The following CSMD1 variants were observed in gnomAD, a reference collection of about 807,000 sequenced individuals.
CSMD1 encodes the protein CUB and sushi domain-containing protein 1.
In CSMD1, 213 loss-of-function variants were observed where a neutral mutation model predicts 417.5. The ratio of observed to expected loss-of-function variants is 0.51; its 90% CI spans 0.46 to 0.57. The LOEUF (loss-of-function observed/expected upper bound fraction) is 0.57, where lower values mean the gene tolerates loss of function less well. Ranked by LOEUF, CSMD1 falls within the 20% of genes least tolerant of loss-of-function variation. CSMD1 has a pLI of 0.00. For synonymous variants in CSMD1, 2,862 were observed against 1,736.8 expected (o/e 1.65, Z -16.11); for missense variants, 6,923 against 4,529.7 (o/e 1.53, Z -15.17).
rs759687945 is a variant in CSMD1 at position 3,707,619 on chromosome 8, T to C, written c.1009+795A>G. ...TGAAGCTGGTACCCAGTAACTGTTATGACATGTGTAAGGTCGTGTGGGGAG... is the reference window on the plus strand; with the variant it reads ...TGAAGCTGGTACCCAGTAACTGTTACGACATGTGTAAGGTCGTGTGGGGAG... On this transcript the variant is annotated intron_variant, in intron 7 of 69. Transcript: ENST00000635120. 2.0e-5 allele frequency among the ~76,000 whole-genome samples: 3 copies of C among 152,178 alleles called. No homozygotes were observed. In the South Asian group the frequency reaches 6.2e-4, roughly 32 times the overall value.
intron 47 of CSMD1, among the ~76,000 whole-genome samples, chr8:3,094,867 AC>A (rs1259341999): frequency 1.3e-5 from 2 of 152,086 alleles, no homozygotes; most frequent in Non-Finnish European, 2.9e-5. Flanking sequence ...ATTTACTGCA[AC>A]AAAAATGTCA....
At position 3,131,331 on chromosome 8, in the gene CSMD1, C is replaced by T. The variant is rs550315770; in HGVS notation, c.6241+11134G>A. On this transcript the variant is annotated intron_variant, in intron 41 of 69. Coordinates refer to ENST00000635120, the MANE Select transcript of CSMD1 (RefSeq NM_033225.6). ...CACAATGTGCACATGTACCCTAAAACTTAAAGTATAATAATAAAAGAAAAA... is the reference window on the plus strand; with the variant it reads ...CACAATGTGCACATGTACCCTAAAATTTAAAGTATAATAATAAAAGAAAAA... 4.7e-5 allele frequency among the ~76,000 whole-genome samples: 7 copies of T among 148,276 alleles called. No individual in the cohort carries two copies. The South Asian group carries it at 1.1e-3, about 23-fold the overall frequency.
At chr8:3,526,394 A>AT (rs1585306437) in intron 10 of CSMD1, among the ~76,000 whole-genome samples, 1 of 151,956 alleles carries the variant, frequency 6.6e-6, no homozygotes, top group East Asian at 1.9e-4. Context: ...TTCAATCCTA[A>AT]ATATATTTAA....
chr8:4,081,613 T>C (rs560579791), intron 3 of CSMD1, among the ~76,000 whole-genome samples: 10 of 152,106 alleles, frequency 6.6e-5, no homozygotes, highest in Non-Finnish European at 1.5e-4. Flanking sequence ...TACATAAATT[T>C]TTTGAAGGAC....
chr8:4,071,271 T>C (rs540967014), intron 3 of CSMD1, among the ~76,000 whole-genome samples: 22 of 152,290 alleles, frequency 1.4e-4, no homozygotes, highest in African/African-American at 5.1e-4. Context: ...GCCCTGCTTG[T>C]TATATTTTTT....
chr8:3,109,455 ACT>A (rs1240031214), intron 43 of CSMD1, among the ~76,000 whole-genome samples: 1 of 151,830 alleles, frequency 6.6e-6, no homozygotes, highest in Admixed American at 6.6e-5. Flanking sequence ...ACATCCACTG[ACT>A]CTGGTCGTTG....
chr8:3,543,787 T>C (rs1452705190), intron 10 of CSMD1, among the ~76,000 whole-genome samples: 2 of 152,206 alleles, frequency 1.3e-5, no homozygotes, highest in African/African-American at 2.4e-5. Flanking sequence ...CAATTCACTG[T>C]TTGCAGTCTG....
At chr8:3,789,933 A>G (rs754075448) in intron 5 of CSMD1, among the ~76,000 whole-genome samples, 13 of 152,050 alleles carry the variant, frequency 8.5e-5, no homozygotes, top group East Asian at 1.9e-4. Flanking sequence ...GGGTTTCACC[A>G]TGTTAGCCAG....
At chr8:3,311,473 C>T (rs1805341252) in intron 23 of CSMD1, among the ~76,000 whole-genome samples, 1 of 152,166 alleles carries the variant, frequency 6.6e-6, no homozygotes, top group Non-Finnish European at 1.5e-5. Flanking sequence ...TTGTCTCAAA[C>T]TCCTGACCTC....
intron 53 of CSMD1, among the ~76,000 whole-genome samples, chr8:2,999,718 A>G (rs560790728): frequency 5.9e-5 from 9 of 152,046 alleles, no homozygotes; most frequent in Non-Finnish European, 1.2e-4. Flanking sequence ...ATGAATTGAT[A>G]AGCAAATTAA....
In CSMD1 at chr8:4,721,356, C is replaced by T. The variant is rs76215900; in HGVS notation, c.86-83798G>A. 3.3e-5 allele frequency among the ~76,000 whole-genome samples: 5 copies of T among 152,120 alleles called. No individual in the cohort carries two copies. In the South Asian group the frequency reaches 1.0e-3, roughly 32 times the overall value. ...GAACAATCTCTTTTTATTCTACTGCCTAGTGATAGACAAGTATAAACTAAG... is the reference window on the plus strand; with the variant it reads ...GAACAATCTCTTTTTATTCTACTGCTTAGTGATAGACAAGTATAAACTAAG... On this transcript the variant is annotated intron_variant, in intron 1 of 69. Coordinates refer to ENST00000635120, the MANE Select transcript of CSMD1 (RefSeq NM_033225.6).
chr8:3,979,693 C>A (rs577290014), intron 5 of CSMD1, among the ~76,000 whole-genome samples: 1 of 152,306 alleles, frequency 6.6e-6, no homozygotes, highest in South Asian at 2.1e-4. Flanking sequence ...AGCCAGGACG[C>A]AATGCGTACC....
intron 7 of CSMD1, among the ~76,000 whole-genome samples, chr8:3,624,337 G>C (rs1449719977): frequency 1.3e-5 from 2 of 152,146 alleles, no homozygotes; most frequent in Non-Finnish European, 2.9e-5. Flanking sequence ...TAGAGAACAA[G>C]AGCCACAGAT....
chr8:4,579,456 T>A (rs1345726403), intron 2 of CSMD1, among the ~76,000 whole-genome samples: 2 of 151,924 alleles, frequency 1.3e-5, no homozygotes, highest in African/African-American at 4.8e-5. Context: ...CCTCCCAGGT[T>A]CAAGTAATTC....
chr8:4,081,845 C>A (rs972310445), intron 3 of CSMD1, among the ~76,000 whole-genome samples: 1 of 151,928 alleles, frequency 6.6e-6, no homozygotes, highest in Non-Finnish European at 1.5e-5. Context: ...AAAGTTGAAA[C>A]CAAATAATTA....
intron 1 of CSMD1, among the ~76,000 whole-genome samples, chr8:4,955,207 G>C (rs187195335): frequency 6.6e-6 from 1 of 152,094 alleles, no homozygotes. Context: ...CTACCCATTC[G>C]TGTGCACAGA....
intron 5 of CSMD1, among the ~76,000 whole-genome samples, chr8:3,892,534 AAATAATAAT>A (rs34846347): frequency 6.1e-5 from 9 of 148,048 alleles, no homozygotes; most frequent in South Asian, 2.2e-4. Flanking sequence ...AATTTTGCAA[AAATAATAAT>A]AATAATAATA....
chr8:4,809,906 C>T (rs538400657), intron 1 of CSMD1, among the ~76,000 whole-genome samples: 3 of 152,284 alleles, frequency 2.0e-5, no homozygotes, highest in Non-Finnish European at 2.9e-5. Context: ...AATCCAAGTC[C>T]GGCCACTTAC....
chr8:3,736,444 T>C (rs1796524626), intron 6 of CSMD1, among the ~76,000 whole-genome samples: 1 of 152,230 alleles, frequency 6.6e-6, no homozygotes, highest in South Asian at 2.1e-4. Context: ...GTGGTCTCAC[T>C]ACGTGGTCCA....
Sources: allele counts gnomAD v4.1 joint callset (sites outside exome capture counted in the v4.1 genomes callset), GRCh38; gene constraint gnomAD v4.1.1; transcripts MANE v1.5; gene names NCBI Gene and HGNC (gene_info 2026-07-23, HGNC 2026-07-21).